Variants in CCSER1 observed in about 807,000 individuals in gnomAD.
CCSER1 encodes serine-rich coiled-coil domain-containing protein 1.
In CCSER1, 41 loss-of-function variants were observed where a neutral mutation model predicts 82.0. That is an observed-to-expected ratio of 0.50 (90% CI 0.39 to 0.65). CCSER1 has a LOEUF of 0.65. Among genes scored for constraint, CCSER1 ranks in the 30% least tolerant of loss-of-function variants. The pLI is 0.00. For synonymous variants in CCSER1, 414 were observed against 383.9 expected, an observed-to-expected ratio of 1.08 and a Z score of -0.92; for missense variants, 1,119 against 1,064.2, an observed-to-expected ratio of 1.05 and a Z score of -0.72.
At chr4:91,341,838 A>G (rs952816275) in intron 10 of CCSER1, among the ~76,000 whole-genome samples, 5 of 152,248 alleles carry the variant, frequency 3.3e-5, no homozygotes, top group Non-Finnish European at 7.3e-5. Flanking sequence ...CACTTGGCCT[A>G]GAATAAAAAT....
At chr4:90,783,549 C>A (rs1456963696) in intron 7 of CCSER1, among the ~76,000 whole-genome samples, 1 of 152,176 alleles carries the variant, frequency 6.6e-6, no homozygotes, top group African/African-American at 2.4e-5. Flanking sequence ...CCATCAGGTT[C>A]TTACGGTAAG....
chr4:90,866,869 T>C (rs1765788843), intron 8 of CCSER1, among the ~76,000 whole-genome samples: 1 of 151,954 alleles, frequency 6.6e-6, no homozygotes, highest in Non-Finnish European at 1.5e-5. Context: ...AAATCCCTTG[T>C]ATATCCAGTT....
intron 8 of CCSER1, among the ~76,000 whole-genome samples, chr4:90,842,146 C>T (rs1246550605): frequency 6.6e-6 from 1 of 152,138 alleles, no homozygotes; most frequent in African/African-American, 2.4e-5. Context: ...CTTATTCTCA[C>T]TAGTTTCTTA....
intron 9 of CCSER1, among the ~76,000 whole-genome samples, chr4:91,079,944 T>A (rs545277492): frequency 6.6e-6 from 1 of 152,242 alleles, no homozygotes; most frequent in South Asian, 2.1e-4. Flanking sequence ...AAAAAGGGAC[T>A]TAGACTCCCA....
chr4:90,290,919 C>A (rs764056644), intron 1 of CCSER1, among the ~76,000 whole-genome samples: 1 of 148,454 alleles, frequency 6.7e-6, no homozygotes, highest in Non-Finnish European at 1.5e-5. Flanking sequence ...CTTTCTTGTG[C>A]ATTCATCATT....
intron 10 of CCSER1, among the ~76,000 whole-genome samples, chr4:91,518,488 G>T (rs1012260724): frequency 7.9e-5 from 12 of 152,132 alleles, no homozygotes; most frequent in African/African-American, 2.4e-4. Flanking sequence ...CACTGCAAAG[G>T]TGTTTTTGGT....
chr4:91,508,320 GGC>G (rs35334196), intron 10 of CCSER1, among the ~76,000 whole-genome samples: 105,481 of 151,054 alleles, frequency 0.7, 36,987 homozygotes, highest in Middle Eastern at 0.73. Context: ...AAAACATGGT[GGC>G]GCATTTATCC....
At chr4:90,506,806 A>C (rs568415778) in intron 5 of CCSER1, among the ~76,000 whole-genome samples, 2 of 152,238 alleles carry the variant, frequency 1.3e-5, no homozygotes, top group South Asian at 4.1e-4. Context: ...AAAAATAACA[A>C]GAATTGTTAA....
intron 10 of CCSER1, among the ~76,000 whole-genome samples, chr4:91,466,925 C>A (rs1560694677): frequency 3.3e-5 from 5 of 152,188 alleles, no homozygotes; most frequent in Admixed American, 3.3e-4. Context: ...AATGGCCATA[C>A]TGCCCAAGGT....
chr4:90,460,324 CA>C (rs751331396), intron 4 of CCSER1, among the ~76,000 whole-genome samples: 93 of 32,646 alleles, frequency 2.8e-3, no homozygotes, highest in Middle Eastern at 0.016. Flanking sequence ...AACTCCGTCT[CA>C]AAAAAAAAAA....
chr4:90,461,058 T>TAAAAATATATAAAGCTGATCATGTTGCTC (rs1560553037), intron 4 of CCSER1, among the ~76,000 whole-genome samples: 6 of 86,384 alleles, frequency 6.9e-5, no homozygotes, highest in African/African-American at 1.5e-4. Flanking sequence ...AGGCTATTTT[T>TAAAAATATATAAAGCTGATCATGTTGCTC]TTTTTTTTTT....
chr4:91,174,137 AT>A (rs1489081675), intron 10 of CCSER1, among the ~76,000 whole-genome samples: 2 of 152,194 alleles, frequency 1.3e-5, no homozygotes, highest in Non-Finnish European at 2.9e-5. Flanking sequence ...TCTGAACAAC[AT>A]TAACATCCCA....
chr4:91,330,342 CACTT>C (rs1746859878), intron 10 of CCSER1, among the ~76,000 whole-genome samples: 1 of 152,160 alleles, frequency 6.6e-6, no homozygotes, highest in Non-Finnish European at 1.5e-5. Flanking sequence ...GACTAATACT[CACTT>C]AGCTGATACT....
chr4:90,145,457 T>C (rs1225949281), intron 1 of CCSER1, among the ~76,000 whole-genome samples: 2 of 152,152 alleles, frequency 1.3e-5, no homozygotes, highest in Non-Finnish European at 2.9e-5. Context: ...TGCTTTTCAG[T>C]TTCATGCTCT....
At chr4:90,879,524 GGAA>G (rs1341927045) in intron 8 of CCSER1, among the ~76,000 whole-genome samples, 1 of 144,662 alleles carries the variant, frequency 6.9e-6, no homozygotes, top group Non-Finnish European at 1.5e-5. Flanking sequence ...AAGAGGAAGA[GGAA>G]GAGGAAGAAG....
chr4:91,501,306 T>C (rs1204649173), intron 10 of CCSER1, among the ~76,000 whole-genome samples: 3 of 151,934 alleles, frequency 2.0e-5, no homozygotes, highest in South Asian at 2.1e-4. Flanking sequence ...TAAATGTTGC[T>C]TATGTTCACA....
At chr4:90,766,491 T>C (rs1751246553) in intron 7 of CCSER1, among the ~76,000 whole-genome samples, 1 of 152,060 alleles carries the variant, frequency 6.6e-6, no homozygotes, top group Non-Finnish European at 1.5e-5. Flanking sequence ...ATGTCACAAA[T>C]CATTGGCCAG....
At chr4:90,731,232 G>A (rs1744671570) in intron 7 of CCSER1, among the ~76,000 whole-genome samples, 1 of 152,136 alleles carries the variant, frequency 6.6e-6, no homozygotes, top group African/African-American at 2.4e-5. Context: ...ATTTTTTAAT[G>A]TTTTCCTATT....
intron 9 of CCSER1, among the ~76,000 whole-genome samples, chr4:91,022,267 C>T (rs10014927): frequency 0.054 from 8,199 of 150,734 alleles, 255 homozygotes; most frequent in African/African-American, 0.082. Flanking sequence ...TTTTTTTGTC[C>T]TTGTGATAGT....
Sources: gnomAD v4.1 joint callset for allele counts (sites outside exome capture counted in the v4.1 genomes callset) on GRCh38, gnomAD v4.1.1 for gene constraint, MANE v1.5 for transcripts, NCBI Gene and HGNC (gene_info 2026-07-23, HGNC 2026-07-21) for gene names.